Variants in CMSS1 observed in about 807,000 individuals in gnomAD.
CMSS1 encodes the protein cms1 ribosomal small subunit homolog.
CMSS1 carries 33 observed loss-of-function variants against 43.5 expected under a neutral mutation model. That is an observed-to-expected ratio of 0.76 (90% CI 0.57 to 1.01). The LOEUF (loss-of-function observed/expected upper bound fraction) is 1.01, where lower values mean the gene tolerates loss of function less well. Among genes scored for constraint, CMSS1 ranks in the 50% least tolerant of loss-of-function variants. The pLI is 0.00. For synonymous variants in CMSS1, 115 were observed against 117.2 expected (o/e 0.98, Z 0.12); for missense variants, 313 against 326.4 (o/e 0.96, Z 0.32).
At chr3:99,850,822 T>C (rs1332461782) in intron 1 of CMSS1, 4 of 1,614,206 alleles carry the variant, frequency 2.5e-6, no homozygotes, top group Non-Finnish European at 3.4e-6. Context: ...TGCCTTCTGC[T>C]CTTCCTCCTG....
chr3:100,059,882 A>G (rs1168052978), intron 1 of CMSS1, among the ~76,000 whole-genome samples: 2 of 152,222 alleles, frequency 1.3e-5, no homozygotes, highest in Non-Finnish European at 2.9e-5. Context: ...GGCCAAACAA[A>G]ACATGCATGT....
chr3:99,873,939 A>C (rs894412467), intron 1 of CMSS1, among the ~76,000 whole-genome samples: 1 of 152,236 alleles, frequency 6.6e-6, no homozygotes, highest in Admixed American at 6.5e-5. Flanking sequence ...AGAAATTCAC[A>C]TTCATTCTAT....
intron 1 of CMSS1, among the ~76,000 whole-genome samples, chr3:99,825,882 A>T (rs1028635649): frequency 2.0e-5 from 3 of 147,604 alleles, no homozygotes; most frequent in African/African-American, 7.6e-5. Context: ...AGTTGAAGCG[A>T]TTCTCCTGCC....
intron 1 of CMSS1, among the ~76,000 whole-genome samples, chr3:99,911,982 C>A (rs1706804063): frequency 6.6e-6 from 1 of 151,896 alleles, no homozygotes. Flanking sequence ...AGTTCCAAGT[C>A]TTTATTCTTT....
intron 1 of CMSS1, among the ~76,000 whole-genome samples, chr3:99,973,390 T>C (rs1327014700): frequency 6.6e-6 from 1 of 152,242 alleles, no homozygotes; most frequent in Non-Finnish European, 1.5e-5. Context: ...TCTTGTCTCA[T>C]GATCATTAAT....
chr3:99,938,483 C>G (rs1445623121), intron 1 of CMSS1, among the ~76,000 whole-genome samples: 2 of 152,128 alleles, frequency 1.3e-5, no homozygotes, highest in Non-Finnish European at 2.9e-5. Flanking sequence ...GGGAGTGATC[C>G]AAGGCTTTAA....
At chr3:99,886,475 G>A (rs1705901262) in intron 1 of CMSS1, among the ~76,000 whole-genome samples, 1 of 152,064 alleles carries the variant, frequency 6.6e-6, no homozygotes, top group Admixed American at 6.5e-5. Flanking sequence ...TTTGTGTTGG[G>A]CTACATTCAA....
chr3:99,854,600 A>C (rs1413731940), intron 1 of CMSS1, among the ~76,000 whole-genome samples: 1 of 152,166 alleles, frequency 6.6e-6, no homozygotes, highest in African/African-American at 2.4e-5. Context: ...TTCATTGTGG[A>C]GATCATCTTG....
chr3:99,817,873 G>A lies in CMSS1; in HGVS notation c.-107G>A, dbSNP rs1559644084. On this transcript the variant is annotated 5_prime_UTR_variant, in exon 1 of 10. Transcript: ENST00000421999. ...GGGGCGGAGGCGACAGTGTCTAGCG[G>A]GAGCTCCGCGTGTAGCTACGCCGGC... 5.2e-6 allele frequency: 6 copies of A among 1,156,646 alleles called. No individual in the cohort carries two copies. In the South Asian group the frequency reaches 6.6e-5, roughly 13 times the overall value. 71.6% of individuals were successfully genotyped at this position (1,156,646 alleles called of 1,614,324 possible). A position where few individuals can be genotyped will look rare whatever the true frequency, so the allele number is the denominator to read the frequency against.
chr3:100,141,575 A>C (rs2066805244), intron 1 of CMSS1: 1 of 456,096 alleles, frequency 2.2e-6, no homozygotes, highest in Non-Finnish European at 4.4e-6. Context: ...AAATACCTGA[A>C]AACCTAAGGA....
At chr3:99,856,934 AT>A (rs1481829718) in intron 1 of CMSS1, among the ~76,000 whole-genome samples, 1 of 152,204 alleles carries the variant, frequency 6.6e-6, no homozygotes, top group Non-Finnish European at 1.5e-5. Context: ...TTATATTATA[AT>A]TCTTACCGCT....
chr3:100,056,800 C>T (rs538574247), intron 1 of CMSS1, among the ~76,000 whole-genome samples: 1 of 151,252 alleles, frequency 6.6e-6, no homozygotes, highest in South Asian at 2.1e-4. Flanking sequence ...GTCAGGAGAT[C>T]GAGACCATCC....
At chr3:100,138,117 G>A (rs927782555) in intron 1 of CMSS1, among the ~76,000 whole-genome samples, 4 of 152,200 alleles carry the variant, frequency 2.6e-5, no homozygotes, top group African/African-American at 9.7e-5. Context: ...AATAAATGGT[G>A]CTGGGAAAAC....
chr3:99,958,010 GAT>G (rs1027458759), intron 1 of CMSS1, among the ~76,000 whole-genome samples: 7 of 148,236 alleles, frequency 4.7e-5, no homozygotes, highest in African/African-American at 1.7e-4. Flanking sequence ...ATTAGGGCTG[GAT>G]ATTCATATGT....
chr3:99,896,870 A>G (rs1275077396), intron 1 of CMSS1, among the ~76,000 whole-genome samples: 1 of 152,196 alleles, frequency 6.6e-6, no homozygotes, highest in Non-Finnish European at 1.5e-5. Context: ...AATTTTCATA[A>G]CAAATCAGTG....
At chr3:99,993,526 G>A (rs1709585415) in intron 1 of CMSS1, among the ~76,000 whole-genome samples, 1 of 152,044 alleles carries the variant, frequency 6.6e-6, no homozygotes, top group African/African-American at 2.4e-5. Context: ...GAATAGGGGT[G>A]GTAAAAGTGG....
intron 1 of CMSS1, among the ~76,000 whole-genome samples, chr3:100,087,440 A>C (rs1263954685): frequency 6.6e-6 from 1 of 152,136 alleles, no homozygotes; most frequent in African/African-American, 2.4e-5. Context: ...TCATTCTAAT[A>C]GTGGTATCTC....
At chr3:99,850,399 G>A in intron 1 of CMSS1, 1 of 1,613,636 alleles carries the variant, frequency 6.2e-7, no homozygotes, top group South Asian at 1.1e-5. Context: ...CTTTTCCAGA[G>A]CCATAATTCT....
At chr3:99,845,383 C>T (rs1016995502) in intron 1 of CMSS1, among the ~76,000 whole-genome samples, 7 of 152,078 alleles carry the variant, frequency 4.6e-5, no homozygotes, top group African/African-American at 9.7e-5. Flanking sequence ...CGTTCTGAAG[C>T]GAGGACTTAG....
Sources: gnomAD v4.1 joint callset for allele counts (sites outside exome capture counted in the v4.1 genomes callset) on GRCh38, gnomAD v4.1.1 for gene constraint, MANE v1.5 for transcripts, NCBI Gene and HGNC (gene_info 2026-07-23, HGNC 2026-07-21) for gene names.